Variants in NUP35 observed in about 807,000 individuals in gnomAD.
NUP35 encodes nucleoporin NUP35.
In NUP35, 25 loss-of-function variants were observed where a neutral mutation model predicts 41.5. That is an observed-to-expected ratio of 0.60 (90% CI 0.44 to 0.84). The LOEUF (loss-of-function observed/expected upper bound fraction) is 0.84. Ranked by LOEUF, NUP35 falls within the 40% of genes least tolerant of loss-of-function variation. The probability of loss-of-function intolerance (pLI) is 0.00; values close to 1 mark genes in which losing one functional copy is unlikely to be tolerated. For missense variants in NUP35, 396 were observed against 396.6 expected (o/e 1.00, Z 0.01); for synonymous variants, 149 against 130.7 (o/e 1.14, Z -0.96).
At chr2:183,118,525 G>C in intron 1 of NUP35, 1 of 152,188 alleles carries the variant, frequency 6.6e-6, no homozygotes, top group East Asian at 1.9e-4. Flanking sequence ...AGTTATGTCA[G>C]ATAATTATCC....
chr2:183,120,580 T>C (rs1159680565), upstream of NUP35, among the ~76,000 whole-genome samples: 1 of 152,138 alleles, frequency 6.6e-6, no homozygotes, highest in Non-Finnish European at 1.5e-5. Flanking sequence ...TCTCAATGTT[T>C]GATGGTAGAG....
At chr2:183,147,284 T>C (rs1279709841) in intron 4 of NUP35, among the ~76,000 whole-genome samples, 1 of 152,226 alleles carries the variant, frequency 6.6e-6, no homozygotes, top group South Asian at 2.1e-4. Flanking sequence ...CCTAGGCCAA[T>C]GTCCAGAAGA....
chr2:183,152,056 T>C (rs1685484137), intron 5 of NUP35, among the ~76,000 whole-genome samples: 1 of 151,708 alleles, frequency 6.6e-6, no homozygotes, highest in Non-Finnish European at 1.5e-5. Flanking sequence ...AGTGACTGGT[T>C]CTCTACATCT....
At chr2:183,152,152 CA>C (rs1429987840) in intron 5 of NUP35, among the ~76,000 whole-genome samples, 7 of 139,542 alleles carry the variant, frequency 5.0e-5, no homozygotes, top group African/African-American at 2.0e-4. Context: ...CACACACACA[CA>C]CAATGTCACA....
At chr2:183,152,848 C>T (rs940260855) in intron 5 of NUP35, among the ~76,000 whole-genome samples, 2 of 151,830 alleles carry the variant, frequency 1.3e-5, no homozygotes, top group South Asian at 2.1e-4. Context: ...CTGATATTTA[C>T]ACTCTACAAA....
upstream of NUP35, among the ~76,000 whole-genome samples, chr2:183,122,494 A>C (rs1043904889): frequency 4.6e-5 from 7 of 152,194 alleles, no homozygotes; most frequent in African/African-American, 1.7e-4. Flanking sequence ...ATATGCATGC[A>C]TGTTTTCAAA....
intron 2 of NUP35, 21 bp from the exon 3 acceptor site, chr2:183,130,397 T>A: frequency 7.3e-7 from 1 of 1,375,720 alleles, no homozygotes; most frequent in Non-Finnish European, 9.4e-7. Context: ...CTTTTTTTTT[T>A]TTTTTTTTTG....
At chr2:183,128,003 G>A (rs554348099) in intron 1 of NUP35, among the ~76,000 whole-genome samples, 2 of 152,018 alleles carry the variant, frequency 1.3e-5, no homozygotes, top group Admixed American at 6.5e-5. Context: ...AGCCTAGGAG[G>A]TGAAGGTTGC....
At chr2:183,119,208 C>T (rs893758554) in intron 1 of NUP35, among the ~76,000 whole-genome samples, 3 of 152,142 alleles carry the variant, frequency 2.0e-5, no homozygotes, top group Non-Finnish European at 2.9e-5. Flanking sequence ...GTTTAACAAC[C>T]GCCTGACATT....
In NUP35 at chr2:183,153,892, C is replaced by G. The variant is rs573415184; in HGVS notation, c.539+2243C>G. On this transcript the variant is annotated intron_variant, in intron 5 of 8. Transcript: ENST00000295119. ...GAGGTTCTCCATGAGGGCCCCACCCCTGCAGCACAATTTTGCCTGGGCATC... is the reference window on the plus strand; with the variant it reads ...GAGGTTCTCCATGAGGGCCCCACCCGTGCAGCACAATTTTGCCTGGGCATC... Among the ~76,000 whole-genome samples the G allele has an allele frequency of 5.3e-5, 8 of 152,358 alleles. No individual in the cohort carries two copies. The East Asian group carries it at 1.3e-3, about 26-fold the overall frequency.
rs778153369 is a variant in NUP35 at position 183,128,280 on chromosome 2, C to T, written c.41-7C>T. 2 of 1,561,958 alleles carry T rather than the reference C, an allele frequency of 1.3e-6. No individual in the cohort carries two copies. Among genetic ancestry groups the T allele is most frequent in the South Asian group, 1.2e-5 (1 of 82,478 alleles). ...AAAGTCCTTAATTTATTTTTTGATT[C>T]ATGTAGGATCTGAACCAATGATGCT... On this transcript the variant is annotated splice_polypyrimidine_tract_variant and splice_region_variant and intron_variant, in intron 1 of 8. Coordinates refer to ENST00000295119, the MANE Select transcript of NUP35 (RefSeq NM_138285.5).
chr2:183,123,949 A>G (rs551653194), upstream of NUP35: 25 of 403,848 alleles, frequency 6.2e-5, no homozygotes, highest in South Asian at 1.0e-3. Flanking sequence ...AATTGTCTAC[A>G]TAACACAAAA....
intron 1 of NUP35, 142 bp downstream of exon 1, chr2:183,124,639 A>T: frequency 9.3e-7 from 1 of 1,080,472 alleles, no homozygotes; most frequent in Non-Finnish European, 1.4e-6. Flanking sequence ...CCCCAAGTTC[A>T]TAGTCGGTCC....
chr2:183,138,269 A>ATATATATATATATATTTTT, intron 4 of NUP35, among the ~76,000 whole-genome samples: 20 of 80,690 alleles, frequency 2.5e-4, no homozygotes, highest in African/African-American at 8.0e-4. Flanking sequence ...ATATATATAT[A>ATATATATATATATATTTTT]TTTTTTTTTT....
chr2:183,124,782 C>T (rs1048815861), intron 1 of NUP35, among the ~76,000 whole-genome samples: 26 of 152,240 alleles, frequency 1.7e-4, no homozygotes, highest in Admixed American at 6.5e-5. Flanking sequence ...CCACGTTAGA[C>T]TGGCCCATAC....
At chr2:183,157,232 T>C (rs1281463541) in intron 5 of NUP35, among the ~76,000 whole-genome samples, 2 of 152,174 alleles carry the variant, frequency 1.3e-5, no homozygotes, top group Non-Finnish European at 2.9e-5. Context: ...TGGAGAAGAA[T>C]GGCAGGATAA....
intron 4 of NUP35, among the ~76,000 whole-genome samples, chr2:183,135,357 G>A (rs1024606699): frequency 6.6e-6 from 1 of 152,284 alleles, no homozygotes; most frequent in South Asian, 2.1e-4. Context: ...TGTCTGGGGT[G>A]TTCAAGGAAG....
chr2:183,135,119 T>C (rs1684831173), intron 4 of NUP35, among the ~76,000 whole-genome samples: 4 of 152,200 alleles, frequency 2.6e-5, no homozygotes, highest in Non-Finnish European at 5.9e-5. Flanking sequence ...GGATAATCTT[T>C]GTATTTTAAG....
At chr2:183,140,042 A>G (rs541988724) in intron 4 of NUP35, among the ~76,000 whole-genome samples, 1 of 152,338 alleles carries the variant, frequency 6.6e-6, no homozygotes, top group East Asian at 1.9e-4. Flanking sequence ...AATACTGAAT[A>G]AAAACTATCC....
Sources: gnomAD v4.1 joint callset for allele counts (sites outside exome capture counted in the v4.1 genomes callset) on GRCh38, gnomAD v4.1.1 for gene constraint, MANE v1.5 for transcripts, NCBI Gene and HGNC (gene_info 2026-07-23, HGNC 2026-07-21) for gene names.